The following SCUBE3 variants were observed in gnomAD, a reference collection of about 807,000 sequenced individuals.
SCUBE3 encodes the protein signal peptide, CUB and EGF-like domain-containing protein 3.
Under a neutral mutation model 116.8 loss-of-function variants are expected in SCUBE3, and 33 were observed. The observed-to-expected ratio is 0.28, with a 90% CI of 0.21 to 0.38. SCUBE3 has a LOEUF of 0.38. SCUBE3 is among the 10% of genes least tolerant of loss of function. The pLI, the probability that SCUBE3 is intolerant of heterozygous loss-of-function variation, is 1.00. For synonymous variants in SCUBE3, 418 were observed against 496.9 expected (o/e 0.84, Z 2.11); for missense variants, 1,007 against 1,324.8 (o/e 0.76, Z 3.72).
In SCUBE3 at chr6:35,228,344, G is replaced by T. The variant is rs1783408257; in HGVS notation, c.209-270G>T. ...AGATGTTCTTTGATGCATTATCTAT[G>T]ATGGTAAAATAAATTAAAGAAATCT... On this transcript the variant is annotated intron_variant, in intron 2 of 21. Coordinates refer to ENST00000274938, the MANE Select transcript of SCUBE3 (RefSeq NM_152753.4). This position sits in a 1 kb window ranked among gnomAD's most constrained non-coding sequence, Gnocchi z 4.9. 6.6e-6 allele frequency among the ~76,000 whole-genome samples: 1 copy of T among 152,106 alleles called. No individual in the cohort carries two copies. The highest frequency in any genetic ancestry group is 2.4e-5 in the African/African-American group (1 of 41,390).
rs147648956 is a variant in SCUBE3 at position 35,232,646 on chromosome 6, C to T, written c.470-204C>T. 1.1e-3 allele frequency among the ~76,000 whole-genome samples: 164 copies of T among 152,258 alleles called. No individual in the cohort carries two copies. Among genetic ancestry groups the T allele is most frequent in the African/African-American group, 3.7e-3 (152 of 41,552 alleles). ...AATAGCTAGCTAGTTATACATCATT[C>T]AGAACAGCTCTGTGCTCTGCTCATG... On this transcript the variant is annotated intron_variant, in intron 4 of 21. Transcript: ENST00000274938. The surrounding 1 kb of genome is among the most constrained non-coding windows in gnomAD (Gnocchi z 4.2).
Position 35,233,549 on chromosome 6 carries a change from C to T in SCUBE3, c.712+248C>T, listed in dbSNP as rs187613435. Among the ~76,000 whole-genome samples, 2 of 152,320 alleles carry T rather than the reference C, an allele frequency of 1.3e-5. No homozygotes were observed. Among genetic ancestry groups the T allele is most frequent in the East Asian group, 3.9e-4 (2 of 5,186 alleles). ...CACCCTGTTCCAGGAGCCTCACCACCCTCTTCATCCCAGGACAAAGTGTTG... is the reference window on the plus strand; with the variant it reads ...CACCCTGTTCCAGGAGCCTCACCACTCTCTTCATCCCAGGACAAAGTGTTG... On this transcript the variant is annotated intron_variant, in intron 6 of 21. Transcript: ENST00000274938. The surrounding 1 kb of genome is among the most constrained non-coding windows in gnomAD (Gnocchi z 5.7).
intron 1 of SCUBE3, chr6:35,220,528 T>C (rs934451358): frequency 3.9e-5 from 6 of 152,224 alleles, no homozygotes; most frequent in Admixed American, 6.5e-5. Context: ...AAGTCTCTGA[T>C]TCATGGTTGT....
chr6:35,222,658 TTGTAGAGGACAGCTTTTGGGTTCCCA>T (rs1338377329), intron 1 of SCUBE3: 2 of 152,188 alleles, frequency 1.3e-5, no homozygotes, highest in African/African-American at 4.8e-5. Context: ...TCAAAAAGAA[TTGTAGAGGACAGCTTTTGGGTTCCCA>T]ACTGGCCTCT....
chr6:35,219,581 G>A lies in SCUBE3; in HGVS notation c.85+5078G>A, dbSNP rs867836201. 1.2e-4 allele frequency among the ~76,000 whole-genome samples: 18 copies of A among 152,100 alleles called. No homozygotes were observed. Among genetic ancestry groups the A allele is most frequent in the African/African-American group, 4.3e-4 (18 of 41,390 alleles). Reference sequence around the variant, plus strand: ...GGCTCTTCAGGTCTGGTCACTGGTGGTAACAAGCTGAGGAAAGACCTGGGC... The same window carrying A: ...GGCTCTTCAGGTCTGGTCACTGGTGATAACAAGCTGAGGAAAGACCTGGGC... On this transcript the variant is annotated intron_variant, in intron 1 of 21. Coordinates refer to ENST00000274938, the MANE Select transcript of SCUBE3 (RefSeq NM_152753.4). This position sits in a 1 kb window ranked among gnomAD's most constrained non-coding sequence, Gnocchi z 4.7.
At chr6:35,221,615 C>G (rs912291443) in intron 1 of SCUBE3, 1 of 152,018 alleles carries the variant, frequency 6.6e-6, no homozygotes, top group African/African-American at 2.4e-5. Context: ...GCACCTAGCA[C>G]GGTGCTTCGC....
rs1174842461 is a variant in SCUBE3, at chr6:35,252,971, A to G, written c.*4266A>G. The G allele has an allele frequency of 6.6e-6, 1 of 152,246 alleles. No homozygotes were observed. Among genetic ancestry groups the G allele is most frequent in the Non-Finnish European group, 1.5e-5 (1 of 68,044 alleles). 9.4% of individuals were successfully genotyped at this position (152,246 alleles called of 1,614,324 possible). ...CAATAAACAGCAAATGATGCAGTTCATAGAGTATTTTGCACTTGGGGAAAA... is the reference window on the plus strand; with the variant it reads ...CAATAAACAGCAAATGATGCAGTTCGTAGAGTATTTTGCACTTGGGGAAAA... On this transcript the variant is annotated 3_prime_UTR_variant, in exon 22 of 22. Coordinates refer to ENST00000274938, the MANE Select transcript of SCUBE3 (RefSeq NM_152753.4).
Position 35,237,988 on chromosome 6 carries a change from A to C in SCUBE3, c.799A>C (p.Met267Leu). The C allele has an allele frequency of 6.2e-7, 1 of 1,609,760 alleles. No individual in the cohort carries two copies. The highest frequency in any genetic ancestry group is 1.1e-5 in the South Asian group (1 of 90,916). Residue 267 changes from methionine (M) to leucine (L), a missense_variant, in exon 7 of 22, where the codon ATG becomes CTG. Around this residue, in one of 5 missense-constraint regions of SCUBE3, gnomAD observed 214 missense variants for 316.7 expected, o/e 0.68. Coordinates refer to ENST00000274938, the MANE Select transcript of SCUBE3 (RefSeq NM_152753.4). Reference sequence around the variant, plus strand: ...CCACTGCACCTGCCCTGTGGGCTTCATGCTGCAGCCAGACAGGAAGACGTG... The same window carrying C: ...CCACTGCACCTGCCCTGTGGGCTTCCTGCTGCAGCCAGACAGGAAGACGTG... ...GVHCTCPVGFMLQPDRKTCKD... is the reference protein window; with the variant it reads ...GVHCTCPVGFLLQPDRKTCKD...
Position 35,243,435 on chromosome 6 carries a change from G to T in SCUBE3, c.1910-159G>T, listed in dbSNP as rs1784169051. On this transcript the variant is annotated intron_variant, in intron 15 of 21. Transcript: ENST00000274938. The surrounding 1 kb of genome is among the most constrained non-coding windows in gnomAD (Gnocchi z 6.6). ...TGGGGCCAGCAATCCTCCTGCACAC[G>T]GTTTTGACCCTCCTATCCCCCCAAG... is the stretch of plus-strand genomic sequence containing the variant. Among the ~76,000 whole-genome samples the T allele has an allele frequency of 6.6e-6, 1 of 152,146 alleles. No homozygotes were observed. Among genetic ancestry groups the T allele is most frequent in the Admixed American group, 6.5e-5 (1 of 15,274 alleles).
At position 35,228,924 on chromosome 6, in the gene SCUBE3, A is replaced by G. The variant is rs1391195618; in HGVS notation, c.334+185A>G. ...TGAAAAATCCTGCTGGATGAAAAAC[A>G]TTAGAGGAAAAGCTGCTACGAAATG... On this transcript the variant is annotated intron_variant, in intron 3 of 21. Coordinates refer to ENST00000274938, the MANE Select transcript of SCUBE3 (RefSeq NM_152753.4). The surrounding 1 kb of genome is among the most constrained non-coding windows in gnomAD (Gnocchi z 4.9). 2.6e-5 allele frequency among the ~76,000 whole-genome samples: 4 copies of G among 152,234 alleles called. No homozygotes were observed. The highest frequency in any genetic ancestry group is 4.4e-5 in the Non-Finnish European group (3 of 68,038).
Position 35,244,212 on chromosome 6 carries a change from C to A in SCUBE3, c.2239+82C>A. On this transcript the variant is annotated intron_variant, in intron 17 of 21. Coordinates refer to ENST00000274938, the MANE Select transcript of SCUBE3 (RefSeq NM_152753.4). The surrounding 1 kb of genome is among the most constrained non-coding windows in gnomAD (Gnocchi z 4.3). Reference sequence around the variant, plus strand: ...ACTCTCCAATTTCCCAGAGGGGACACTGACCCACCATTTTCTCCAAACCAG... The same window carrying A: ...ACTCTCCAATTTCCCAGAGGGGACAATGACCCACCATTTTCTCCAAACCAG... 3 of 1,251,714 alleles carry A rather than the reference C, an allele frequency of 2.4e-6. No individual in the cohort carries two copies. The highest frequency in any genetic ancestry group is 3.4e-6 in the Non-Finnish European group (3 of 894,394). 77.5% of individuals were successfully genotyped at this position (1,251,714 alleles called of 1,614,324 possible). A position where few individuals can be genotyped will look rare whatever the true frequency, so the allele number is the denominator to read the frequency against.
At position 35,252,666 on chromosome 6, in the gene SCUBE3, A is replaced by C. The variant is rs1034830508; in HGVS notation, c.*3961A>C. 12 of 152,210 alleles carry C rather than the reference A, an allele frequency of 7.9e-5. No homozygotes were observed. Among genetic ancestry groups the C allele is most frequent in the African/African-American group, 2.9e-4 (12 of 41,454 alleles). 9.4% of individuals were successfully genotyped at this position (152,210 alleles called of 1,614,324 possible). ...GATATTTTTACATTTGACCCGTCTC[A>C]AAAGTAGCACACCCTATCCTTGTGC... On this transcript the variant is annotated 3_prime_UTR_variant, in exon 22 of 22. Coordinates refer to ENST00000274938, the MANE Select transcript of SCUBE3 (RefSeq NM_152753.4).
chr6:35,227,057 G>T (rs770287167), intron 1 of SCUBE3, among the ~76,000 whole-genome samples: 3 of 152,142 alleles, frequency 2.0e-5, no homozygotes. Context: ...TGGCTCCATG[G>T]TGGGCAAGTG....
In SCUBE3 at chr6:35,235,804, C is replaced by T. The variant is rs1783746049; in HGVS notation, c.713-2098C>T. 6.6e-6 allele frequency among the ~76,000 whole-genome samples: 1 copy of T among 151,916 alleles called. No individual in the cohort carries two copies. Among genetic ancestry groups the T allele is most frequent in the Admixed American group, 6.6e-5 (1 of 15,260 alleles). On this transcript the variant is annotated intron_variant, in intron 6 of 21. Coordinates refer to ENST00000274938, the MANE Select transcript of SCUBE3 (RefSeq NM_152753.4). This position sits in a 1 kb window ranked among gnomAD's most constrained non-coding sequence, Gnocchi z 4.5. The stretch of plus-strand genomic sequence containing the variant: ...CCCACCCCACTCCCAGCCATCTGCT[C>T]CCCACCCCCCTCTACCCAGCCAGCC...
At position 35,233,109 on chromosome 6, in the gene SCUBE3, G is replaced by A; in HGVS notation, c.596-76G>A. Reference sequence around the variant, plus strand: ...ATGGGGGAGGCAACTAGGCAAGGGGGCCAGTACCCACATTGTGGAAAACTG... The same window carrying A: ...ATGGGGGAGGCAACTAGGCAAGGGGACCAGTACCCACATTGTGGAAAACTG... On this transcript the variant is annotated intron_variant, in intron 5 of 21. Transcript: ENST00000274938. This position sits in a 1 kb window ranked among gnomAD's most constrained non-coding sequence, Gnocchi z 5.7. The A allele has an allele frequency of 6.8e-7, 1 of 1,474,108 alleles. No individual in the cohort carries two copies. The highest frequency in any genetic ancestry group is 9.4e-7 in the Non-Finnish European group (1 of 1,059,362). The allele number at this position is 1,474,108 out of a possible 1,614,324, so 91.3% of individuals were successfully genotyped here. A position where few individuals can be genotyped will look rare whatever the true frequency, so the allele number is the denominator to read the frequency against.
chr6:35,243,879 T>A lies in SCUBE3; in HGVS notation c.2072-84T>A, dbSNP rs1784207071. The A allele has an allele frequency of 6.5e-7, 1 of 1,535,188 alleles. No homozygotes were observed. Among genetic ancestry groups the A allele is most frequent in the African/African-American group, 1.4e-5 (1 of 72,680 alleles). ...TCTCTTAGTCAACATCCTGTTTGTA[T>A]ACCTTTGTCCCCTGAGATCGGGTGA... On this transcript the variant is annotated intron_variant, in intron 16 of 21. Transcript: ENST00000274938. This position sits in a 1 kb window ranked among gnomAD's most constrained non-coding sequence, Gnocchi z 6.6.
At position 35,244,161 on chromosome 6, in the gene SCUBE3, G is replaced by GCCCCAA. The variant is rs1252795049; in HGVS notation, c.2239+39_2239+44dup. 6.3e-7 allele frequency: 1 copy of GCCCCAA among 1,588,746 alleles called. No individual in the cohort carries two copies. The highest frequency in any genetic ancestry group is 8.6e-7 in the Non-Finnish European group (1 of 1,162,992). On this transcript the variant is annotated intron_variant, in intron 17 of 21. Transcript: ENST00000274938. The surrounding 1 kb of genome is among the most constrained non-coding windows in gnomAD (Gnocchi z 4.3). ...TAAGCTACTCACCTCCCTGGGGGAT[G>GCCCCAA]CCCCAACCCCAACTACTCCCAAAAA...
rs750541891 is a variant in SCUBE3 at position 35,241,274 on chromosome 6, G to A, written c.1195+8G>A. 20 of 1,587,136 alleles carry A rather than the reference G, an allele frequency of 1.3e-5. No homozygotes were observed. Among genetic ancestry groups the A allele is most frequent in the Non-Finnish European group, 1.7e-5 (20 of 1,160,878 alleles). ...ATGGCAAAGATTGCACAGGTGGGCA[G>A]TGCCCTCTGCTGGCCAAAGATGACA... On this transcript the variant is annotated splice_region_variant and intron_variant, in intron 10 of 21. Coordinates refer to ENST00000274938, the MANE Select transcript of SCUBE3 (RefSeq NM_152753.4). The surrounding 1 kb of genome is among the most constrained non-coding windows in gnomAD (Gnocchi z 4.1).
rs373802053 is a variant in SCUBE3, at chr6:35,243,219, G to C, written c.1892G>C (p.Arg631Pro). Reference sequence around the variant, plus strand: ...GAGTCCTGTAGGCCCGGGCAGCACCGTGCTGGGACCAAGTGTGGTAAGGGA... The same window carrying C: ...GAGTCCTGTAGGCCCGGGCAGCACCCTGCTGGGACCAAGTGTGGTAAGGGA... ...PMESCRPGQHRAGTKCVSCPQ... is the reference protein window; with the variant it reads ...PMESCRPGQHPAGTKCVSCPQ... Residue 631 changes from arginine (R) to proline (P), a missense_variant, in exon 15 of 22, where the codon CGT becomes CCT. This residue lies in a region of SCUBE3 where 544 missense variants were observed against 638.9 expected (regional missense o/e 0.85). Transcript: ENST00000274938. The surrounding 1 kb of genome is among the most constrained non-coding windows in gnomAD (Gnocchi z 6.6). 6.2e-7 allele frequency: 1 copy of C among 1,613,888 alleles called. No individual in the cohort carries two copies. Among genetic ancestry groups the C allele is most frequent in the East Asian group, 2.2e-5 (1 of 44,876 alleles).
Sources: gnomAD v4.1 joint callset for allele counts (sites outside exome capture counted in the v4.1 genomes callset) on GRCh38, gnomAD v4.1.1 for gene constraint, gnomAD v4.1.1 regional missense constraint, Gnocchi (gnomAD v3.1) non-coding constraint, MANE v1.5 for transcripts, NCBI Gene and HGNC (gene_info 2026-07-23, HGNC 2026-07-21) for gene names.